CDH20: variants seen among roughly 807,000 people sequenced by gnomAD.
CDH20 encodes cadherin 20.
CDH20 carries 29 observed loss-of-function variants against 74.2 expected under a neutral mutation model. That is an observed-to-expected ratio of 0.39 (90% confidence interval 0.29 to 0.53). The LOEUF is 0.53. CDH20 is among the 20% of genes least tolerant of loss of function. CDH20 has a pLI of 0.69. For synonymous variants in CDH20, 469 were observed against 405.4 expected, an observed-to-expected ratio of 1.16 and a Z score of -1.88; for missense variants, 988 against 1,048.3, an observed-to-expected ratio of 0.94 and a Z score of 0.79.
intron 1 of CDH20, among the ~76,000 whole-genome samples, chr18:61,344,631 A>T (rs768294881): frequency 6.6e-6 from 1 of 152,208 alleles, no homozygotes; most frequent in African/African-American, 2.4e-5. Flanking sequence ...CTTCCTTCAA[A>T]TAGTGCAAAT....
At chr18:61,421,910 G>T (rs1364725456) in intron 1 of CDH20, among the ~76,000 whole-genome samples, 1 of 152,080 alleles carries the variant, frequency 6.6e-6, no homozygotes, top group African/African-American at 2.4e-5. Context: ...GGAAAATTCA[G>T]TAGTTTTCAT....
At chr18:61,543,873 G>A (rs1913129663) in intron 9 of CDH20, among the ~76,000 whole-genome samples, 1 of 152,210 alleles carries the variant, frequency 6.6e-6, no homozygotes, top group Non-Finnish European at 1.5e-5. Context: ...TTGGGCCAGT[G>A]ATGAGGTTAA....
chr18:61,538,620 G>GTTTTT (rs746315637), intron 8 of CDH20, among the ~76,000 whole-genome samples: 4 of 41,544 alleles, frequency 9.6e-5, no homozygotes, highest in African/African-American at 1.4e-4. Flanking sequence ...TTTTGTTTTT[G>GTTTTT]TTTTGTTTTT....
intron 1 of CDH20, among the ~76,000 whole-genome samples, chr18:61,418,440 G>A (rs982809997): frequency 4.6e-5 from 7 of 151,282 alleles, no homozygotes; most frequent in African/African-American, 1.5e-4. Context: ...TGTAGTCCCA[G>A]CTACTTGGGA....
intron 1 of CDH20, among the ~76,000 whole-genome samples, chr18:61,406,673 G>A (rs1426590855): frequency 1.3e-5 from 2 of 152,248 alleles, no homozygotes; most frequent in Non-Finnish European, 2.9e-5. Context: ...TCTTTAGGGA[G>A]ATTATATCTG....
intron 2 of CDH20, among the ~76,000 whole-genome samples, chr18:61,497,825 C>A (rs1054199980): frequency 5.3e-5 from 8 of 152,290 alleles, no homozygotes; most frequent in African/African-American, 1.9e-4. Flanking sequence ...CTGCCCCAAG[C>A]CTAATCCTGG....
At position 61,346,707 on chromosome 18, in the gene CDH20, G is replaced by A. The variant is rs528662838; in HGVS notation, c.-153+12880G>A. On this transcript the variant is annotated intron_variant, in intron 1 of 11. Transcript: ENST00000262717. ...TTATCATTATCTACACTAATTGAGA[G>A]AACAGAAGAGGTCGGGATTGTGTGA... Among the ~76,000 whole-genome samples, 40 of 152,306 alleles carry A rather than the reference G, an allele frequency of 2.6e-4. 1 individual carries two copies. In the South Asian group the frequency reaches 4.1e-3, roughly 16 times the overall value.
At chr18:61,417,261 A>G (rs1382283467) in intron 1 of CDH20, among the ~76,000 whole-genome samples, 1 of 152,164 alleles carries the variant, frequency 6.6e-6, no homozygotes, top group African/African-American at 2.4e-5. Flanking sequence ...GCTAAATCAA[A>G]AAATTCTAAA....
intron 9 of CDH20, among the ~76,000 whole-genome samples, chr18:61,540,721 C>T (rs1425834424): frequency 6.6e-6 from 1 of 152,164 alleles, no homozygotes; most frequent in Non-Finnish European, 1.5e-5. Context: ...TCACTTCTCT[C>T]ACTCCCTGGG....
At chr18:61,440,191 G>A (rs1291641413) in intron 1 of CDH20, among the ~76,000 whole-genome samples, 1 of 152,114 alleles carries the variant, frequency 6.6e-6, no homozygotes, top group African/African-American at 2.4e-5. Flanking sequence ...ACTGGCTTTT[G>A]GCTTAGCCAT....
intron 1 of CDH20, among the ~76,000 whole-genome samples, chr18:61,378,764 A>G (rs536641391): frequency 2.1e-3 from 313 of 152,312 alleles, no homozygotes; most frequent in African/African-American, 7.3e-3. Context: ...GTAGATAATA[A>G]GGGAAATAGT....
intron 1 of CDH20, among the ~76,000 whole-genome samples, chr18:61,465,410 T>A (rs1909926138): frequency 6.6e-6 from 1 of 152,226 alleles, no homozygotes; most frequent in South Asian, 2.1e-4. Flanking sequence ...TCTAACTGCA[T>A]GGACCTTTTG....
At chr18:61,527,657 T>A (rs998068778) in intron 6 of CDH20, among the ~76,000 whole-genome samples, 1 of 152,070 alleles carries the variant, frequency 6.6e-6, no homozygotes, top group Non-Finnish European at 1.5e-5. Context: ...CCAGGCTGAT[T>A]GAAGGGTAGA....
rs531614733 is a variant in CDH20, at chr18:61,383,873, G to A, written c.-153+50046G>A. ...AGTGGAAGTTTCTAGGATGGGGAGA[G>A]GGAGAAGCTGAAGTAGTAGGGGAAG... On this transcript the variant is annotated intron_variant, in intron 1 of 11. Coordinates refer to ENST00000262717, the MANE Select transcript of CDH20 (RefSeq NM_031891.4). 2.1e-3 allele frequency among the ~76,000 whole-genome samples: 313 copies of A among 152,280 alleles called. 1 individual carries two copies. Among genetic ancestry groups the A allele is most frequent in the Non-Finnish European group, 3.4e-3 (232 of 68,014 alleles).
Position 61,534,033 on chromosome 18 carries a change from T to G in CDH20, c.1272-2460T>G, listed in dbSNP as rs557623982. On this transcript the variant is annotated intron_variant, in intron 7 of 11. Coordinates refer to ENST00000262717, the MANE Select transcript of CDH20 (RefSeq NM_031891.4). ...TAATTACTATAGCTTTGTAATATTA[T>G]TTCAAAATTAGGACAAATGACCCTG... 2.6e-5 allele frequency among the ~76,000 whole-genome samples: 3 copies of G among 117,022 alleles called. No homozygotes were observed. In the South Asian group the frequency reaches 8.2e-4, roughly 32 times the overall value. 76.8% of individuals were successfully genotyped at this position (117,022 alleles called of 152,430 possible).
chr18:61,515,345 C>T (rs1053615013), intron 6 of CDH20, among the ~76,000 whole-genome samples: 55 of 152,252 alleles, frequency 3.6e-4, no homozygotes, highest in African/African-American at 1.2e-3. Context: ...GGCAATGCCT[C>T]GCCCTGCTTC....
intron 1 of CDH20, among the ~76,000 whole-genome samples, chr18:61,388,421 G>C (rs1911671496): frequency 6.6e-6 from 1 of 152,092 alleles, no homozygotes; most frequent in South Asian, 2.1e-4. Flanking sequence ...GGTTAAAACT[G>C]ATTTCTTATT....
chr18:61,362,119 T>C (rs780355771), intron 1 of CDH20, among the ~76,000 whole-genome samples: 3 of 152,132 alleles, frequency 2.0e-5, no homozygotes, highest in Non-Finnish European at 4.4e-5. Context: ...CAAGAAACGA[T>C]TTTCCTATCT....
At chr18:61,442,133 G>A (rs12970176) in intron 1 of CDH20, among the ~76,000 whole-genome samples, 40,305 of 151,904 alleles carry the variant, frequency 0.27, 5,969 homozygotes, top group Non-Finnish European at 0.34. Flanking sequence ...GAAGACTGCA[G>A]GAGGCCAGGA....
Sources: allele counts gnomAD v4.1 joint callset (sites outside exome capture counted in the v4.1 genomes callset), GRCh38; gene constraint gnomAD v4.1.1; transcripts MANE v1.5; gene names NCBI Gene and HGNC (gene_info 2026-07-23, HGNC 2026-07-21).